Variants in SNTG1 observed in about 807,000 individuals in gnomAD.
The protein encoded by SNTG1 is syntrophin gamma 1.
In SNTG1, 39 loss-of-function variants were observed where a neutral mutation model predicts 74.7. That is an observed-to-expected ratio of 0.52 (90% CI 0.40 to 0.68). SNTG1 has a LOEUF of 0.68. SNTG1 is among the 30% of genes least tolerant of loss of function. SNTG1 has a pLI of 0.00. For synonymous variants in SNTG1, 254 were observed against 217.1 expected (o/e 1.17, Z -1.49); for missense variants, 685 against 609.5 (o/e 1.12, Z -1.30).
chr8:50,320,599 C>A (rs1000684798), intron 2 of SNTG1, among the ~76,000 whole-genome samples: 2 of 151,472 alleles, frequency 1.3e-5, no homozygotes, highest in African/African-American at 4.8e-5. Context: ...TAGGATGCAT[C>A]ACTGGGCTGT....
intron 9 of SNTG1, among the ~76,000 whole-genome samples, chr8:50,512,611 G>C (rs372475865): frequency 2.0e-5 from 3 of 151,980 alleles, no homozygotes; most frequent in African/African-American, 4.8e-5. Context: ...GGCTTTGCTC[G>C]TTTCTTTTTA....
At chr8:50,789,062 A>C (rs190898264) in intron 18 of SNTG1, among the ~76,000 whole-genome samples, 1 of 152,136 alleles carries the variant, frequency 6.6e-6, no homozygotes, top group Non-Finnish European at 1.5e-5. Flanking sequence ...GCCCCCTTTA[A>C]AAAGGAAAAG....
intron 2 of SNTG1, among the ~76,000 whole-genome samples, chr8:50,260,556 A>C (rs2087135774): frequency 6.6e-6 from 1 of 151,838 alleles, no homozygotes; most frequent in Non-Finnish European, 1.5e-5. Context: ...ACAGTATTCT[A>C]AAAAGCAAAA....
intron 11 of SNTG1, among the ~76,000 whole-genome samples, chr8:50,539,144 AT>A (rs1283763755): frequency 1.3e-5 from 2 of 152,158 alleles, no homozygotes; most frequent in African/African-American, 4.8e-5. Flanking sequence ...TATTTTCAAT[AT>A]CTCATTCATT....
intron 2 of SNTG1, among the ~76,000 whole-genome samples, chr8:50,272,247 A>G (rs1563827519): frequency 6.6e-6 from 1 of 152,220 alleles, no homozygotes; most frequent in South Asian, 2.1e-4. Context: ...TCTGCATTGT[A>G]TTTCCAAGAA....
chr8:50,516,156 G>A (rs987038302), intron 9 of SNTG1, among the ~76,000 whole-genome samples: 1 of 152,182 alleles, frequency 6.6e-6, no homozygotes, highest in South Asian at 2.1e-4. Flanking sequence ...AGCAAACAGG[G>A]TCTGGAGTGG....
intron 1 of SNTG1, among the ~76,000 whole-genome samples, chr8:49,957,130 C>T (rs1810251879): frequency 6.6e-6 from 1 of 152,244 alleles, no homozygotes; most frequent in Middle Eastern, 3.4e-3. Flanking sequence ...GTAACCTAAC[C>T]CAGTTCTAGA....
chr8:50,733,476 C>T (rs747706370), intron 17 of SNTG1, among the ~76,000 whole-genome samples: 3 of 151,924 alleles, frequency 2.0e-5, no homozygotes, highest in Non-Finnish European at 4.4e-5. Flanking sequence ...TAAATGGTAT[C>T]TCTGTTTTAA....
intron 1 of SNTG1, among the ~76,000 whole-genome samples, chr8:50,007,195 C>G (rs934831770): frequency 2.0e-5 from 3 of 152,116 alleles, no homozygotes; most frequent in African/African-American, 7.2e-5. Flanking sequence ...GATCTTCCCT[C>G]TTTGAGGCTG....
intron 2 of SNTG1, among the ~76,000 whole-genome samples, chr8:50,361,800 C>T (rs1365732317): frequency 6.6e-6 from 1 of 152,154 alleles, no homozygotes; most frequent in African/African-American, 2.4e-5. Flanking sequence ...TCTTAGGCTA[C>T]ACACCTGTAC....
chr8:50,155,252 G>A (rs1563670534), intron 1 of SNTG1, among the ~76,000 whole-genome samples: 2 of 152,138 alleles, frequency 1.3e-5, no homozygotes, highest in South Asian at 4.1e-4. Flanking sequence ...AGGATAGAGA[G>A]TACAAAATTA....
chr8:50,689,949 A>G (rs2095370357), intron 15 of SNTG1, among the ~76,000 whole-genome samples: 1 of 152,172 alleles, frequency 6.6e-6, no homozygotes, highest in Non-Finnish European at 1.5e-5. Context: ...CTATTCAGAG[A>G]TTCAACTTCT....
Position 50,097,558 on chromosome 8 carries a change from A to T in SNTG1, c.-102-75003A>T, listed in dbSNP as rs534890703. On this transcript the variant is annotated intron_variant, in intron 1 of 18. Coordinates refer to ENST00000642720, the MANE Select transcript of SNTG1 (RefSeq NM_018967.5). The stretch of plus-strand genomic sequence containing the variant: ...TCCCAGCTACTCGGGAGGCTGAGGC[A>T]GGAGAATGGTGTGAACCCGGAAGGC... Among the ~76,000 whole-genome samples the T allele has an allele frequency of 6.8e-3, 1,026 of 151,222 alleles. 15 individuals carry two copies. The highest frequency in any genetic ancestry group is 0.024 in the African/African-American group (976 of 41,336).
intron 1 of SNTG1, among the ~76,000 whole-genome samples, chr8:50,123,325 C>T (rs893647887): frequency 1.4e-5 from 2 of 142,454 alleles, no homozygotes; most frequent in Non-Finnish European, 3.1e-5. Flanking sequence ...AAAATGAATG[C>T]TTTTGCTGGT....
rs947688262 is a variant in SNTG1, at chr8:49,940,802, A to T, written c.-103+28571A>T. ...GAATATTTTAAGTATGTAATCATAC[A>T]TGTGAAAATAGAACACATGTTGCAA... is the stretch of plus-strand genomic sequence containing the variant. On this transcript the variant is annotated intron_variant, in intron 1 of 18. Coordinates refer to ENST00000642720, the MANE Select transcript of SNTG1 (RefSeq NM_018967.5). Among the ~76,000 whole-genome samples, 39 of 152,082 alleles carry T rather than the reference A, an allele frequency of 2.6e-4. 2 individuals are homozygous for T. Among genetic ancestry groups the T allele is most frequent in the Admixed American group, 7.2e-4 (11 of 15,276 alleles).
intron 13 of SNTG1, among the ~76,000 whole-genome samples, chr8:50,595,294 G>T (rs968781988): frequency 6.6e-6 from 1 of 151,770 alleles, no homozygotes; most frequent in Non-Finnish European, 1.5e-5. Context: ...ATGATCTAAA[G>T]GAGAATCCAC....
chr8:49,910,762 CA>C (rs3830302), upstream of SNTG1: 6 of 151,860 alleles, frequency 4.0e-5, no homozygotes, highest in Non-Finnish European at 5.9e-5. Flanking sequence ...GAAAAGCCAA[CA>C]AAAAAAACAA....
At chr8:50,228,760 A>G (rs2085468511) in intron 2 of SNTG1, among the ~76,000 whole-genome samples, 1 of 151,842 alleles carries the variant, frequency 6.6e-6, no homozygotes, top group Non-Finnish European at 1.5e-5. Flanking sequence ...AGAAAATATG[A>G]CTTGTGAGAA....
chr8:50,302,080 T>C (rs1441874090), intron 2 of SNTG1, among the ~76,000 whole-genome samples: 1 of 152,090 alleles, frequency 6.6e-6, no homozygotes, highest in Non-Finnish European at 1.5e-5. Context: ...TGGTCTGCTT[T>C]TTTTATTATT....
Sources: gnomAD v4.1 joint callset for allele counts (sites outside exome capture counted in the v4.1 genomes callset) on GRCh38, gnomAD v4.1.1 for gene constraint, MANE v1.5 for transcripts, NCBI Gene and HGNC (gene_info 2026-07-23, HGNC 2026-07-21) for gene names.